MSH6: variants seen among roughly 807,000 people sequenced by gnomAD.
The protein encoded by MSH6 is mutS homolog 6.
A neutral mutation model predicts 119.1 loss-of-function variants in MSH6; 85 were observed. The observed-to-expected ratio is 0.71, with a 90% CI of 0.60 to 0.85. The LOEUF (loss-of-function observed/expected upper bound fraction) is 0.85. MSH6 is among the 40% of genes least tolerant of loss of function. The pLI is 0.00. For synonymous variants in MSH6, 830 were observed against 586.9 expected, an observed-to-expected ratio of 1.41 and a Z score of -5.99; for missense variants, 2,163 against 1,655.3, an observed-to-expected ratio of 1.31 and a Z score of -5.32.
intron 5 of MSH6, 42 bp downstream of exon 5, chr2:47,803,727 G>T: frequency 6.2e-7 from 1 of 1,611,502 alleles, no homozygotes; most frequent in South Asian, 1.1e-5. Flanking sequence ...AGTCATTTGT[G>T]ACATTAGGAA....
chr2:47,802,638 T>TTG lies in MSH6; in HGVS notation c.3173-781_3173-780insGT, dbSNP rs1669670463. Among the ~76,000 whole-genome samples the TTG allele has an allele frequency of 2.3e-5, 3 of 128,978 alleles. No individual in the cohort carries two copies. In the South Asian group the frequency reaches 6.5e-4, roughly 28 times the overall value. The allele number at this position is 128,978 out of a possible 152,430, so 84.6% of individuals were successfully genotyped here. On this transcript the variant is annotated intron_variant, in intron 4 of 9. Coordinates refer to ENST00000234420, the MANE Select transcript of MSH6 (RefSeq NM_000179.3). ...ATGAGCCACTGCGCCCAGCCCTGTT[T>TTG]TTTTTTTTTTTTTTTTTTTAAATAA... is the stretch of plus-strand genomic sequence containing the variant.
chr2:47,793,863 T>G (rs1668909638), intron 2 of MSH6, among the ~76,000 whole-genome samples: 2 of 151,644 alleles, frequency 1.3e-5, no homozygotes, highest in South Asian at 4.1e-4. Flanking sequence ...CCCAAGTAGC[T>G]GTGATTATAG....
intron 4 of MSH6, 101 bp from the exon 5 acceptor site, chr2:47,803,319 G>T: frequency 2.7e-6 from 4 of 1,465,648 alleles, no homozygotes; most frequent in Non-Finnish European, 3.8e-6. Flanking sequence ...TGAAAGTTAT[G>T]TCTTATAATG....
chr2:47,786,160 T>C (rs1478862924), intron 1 of MSH6, among the ~76,000 whole-genome samples: 2 of 152,056 alleles, frequency 1.3e-5, no homozygotes, highest in African/African-American at 4.8e-5. Context: ...CAGATTATAG[T>C]GAGAGTGGGA....
In MSH6 at chr2:47,795,462, AT is replaced by A. The variant is rs374584843; in HGVS notation, c.458-415del. Among the ~76,000 whole-genome samples, 391 of 117,056 alleles carry A rather than the reference AT, an allele frequency of 3.3e-3. 4 individuals are homozygous for A. Among genetic ancestry groups the A allele is most frequent in the African/African-American group, 6.6e-3 (218 of 33,094 alleles). The allele number at this position is 117,056 out of a possible 152,430, so 76.8% of individuals were successfully genotyped here. Reference sequence around the variant, plus strand: ...TGTGTGTGTGTGTATACATATATACATTTTTTTTTTTTTTTTTCATCGAGAC... The same window carrying A: ...TGTGTGTGTGTGTATACATATATACATTTTTTTTTTTTTTTTCATCGAGAC... On this transcript the variant is annotated intron_variant, in intron 2 of 9. Coordinates refer to ENST00000234420, the MANE Select transcript of MSH6 (RefSeq NM_000179.3).
rs1057520324 is a variant in MSH6, at chr2:47,799,972, T to G, written c.1989T>G (p.Thr663=). 6.2e-7 allele frequency: 1 copy of G among 1,614,114 alleles called. No homozygotes were observed. Among genetic ancestry groups the G allele is most frequent in the Non-Finnish European group, 8.5e-7 (1 of 1,180,014 alleles). Residue 663 remains threonine (T), a synonymous_variant, in exon 4 of 10, where the codon ACT becomes ACG. Transcript: ENST00000234420. ...VMLPQVLKGM[T]SESDSIGLTP... ...TACCCCAGGTGCTTAAAGGTATGAC[T>G]TCAGAGTCTGATTCCATTGGGTTGA...
chr2:47,788,908 T>TTTTTTTTG (rs1668534808), intron 1 of MSH6, among the ~76,000 whole-genome samples: 2 of 37,596 alleles, frequency 5.3e-5, no homozygotes, highest in South Asian at 8.6e-4. Flanking sequence ...TTCTTCTTCC[T>TTTTTTTTG]TTTTTTTTTT....
rs950036621 is a variant in MSH6, at chr2:47,798,632, G to T, written c.649G>T (p.Asp217Tyr). The change falls in exon 4 of 10, where the codon GAT becomes TAT. Residue 217 changes from aspartate (D) to tyrosine (Y), a missense_variant. Transcript: ENST00000234420. Reference protein sequence around the residue: ...EMEVGTTYVTDKSEEDNEIES... With the variant: ...EMEVGTTYVTYKSEEDNEIES... ...GCAGGTAGGCACAACTTACGTAACA[G>T]ATAAGAGTGAAGAAGATAATGAAAT... The T allele has an allele frequency of 3.7e-6, 6 of 1,611,590 alleles. No homozygotes were observed. The Admixed American group carries it at 8.3e-5, about 22-fold the overall frequency.
At chr2:47,805,588 G>A (rs777186501) in intron 6 of MSH6, 30 bp from the exon 7 acceptor site, 2 of 1,401,032 alleles carry the variant, frequency 1.4e-6, no homozygotes, top group East Asian at 2.3e-5. Flanking sequence ...TGCAAAATGA[G>A]TATTCATTTG....
intron 2 of MSH6, 149 bp downstream of exon 2, chr2:47,791,272 C>G: frequency 1.4e-6 from 1 of 726,066 alleles, no homozygotes; most frequent in South Asian, 1.7e-5. Context: ...GTGAAAGCTT[C>G]TGGCATGGGA....
chr2:47,799,821 TGTC>T lies in MSH6; in HGVS notation c.1839_1841del (p.Leu613_Ser614delinsPhe), dbSNP rs1319721343. The T allele has an allele frequency of 6.2e-7, 1 of 1,614,232 alleles. No homozygotes were observed. The highest frequency in any genetic ancestry group is 8.5e-7 in the Non-Finnish European group (1 of 1,180,046). On this transcript the variant is annotated inframe_deletion, in exon 4 of 10. Transcript: ENST00000234420. Reference sequence around the variant, plus strand: ...ACTAAAACAATTCTAAAGAGTTCATTGTCCTGTTCTCTTCAGGAAGGTCTGATA... The same window carrying T: ...ACTAAAACAATTCTAAAGAGTTCATTCTGTTCTCTTCAGGAAGGTCTGATA...
At chr2:47,788,928 T>TTTTTTTGTTTTGTTTTGTTTTG in intron 1 of MSH6, among the ~76,000 whole-genome samples, 1 of 84,230 alleles carries the variant, frequency 1.2e-5, no homozygotes, top group African/African-American at 5.7e-5. Context: ...TTTTGTTTTT[T>TTTTTTTGTTTTGTTTTGTTTTG]TTTTTTTTTT....
At position 47,806,789 on chromosome 2, in the gene MSH6, C is replaced by T. The variant is rs1060504743; in HGVS notation, c.4012C>T (p.Leu1338=). Residue 1338 remains leucine (L), a synonymous_variant, in exon 10 of 10, where the codon CTG becomes TTG. Coordinates refer to ENST00000234420, the MANE Select transcript of MSH6 (RefSeq NM_000179.3). ...TTTTTTAATTTTAAGGGAAGTTTGC[C>T]TGGCTAGTGAAAGGTCAACTGTAGA... ...QSLRLFREVC[L]ASERSTVDAE... 9 of 1,595,106 alleles carry T rather than the reference C, an allele frequency of 5.6e-6. No individual in the cohort carries two copies. The highest frequency in any genetic ancestry group is 7.7e-6 in the Non-Finnish European group (9 of 1,171,730).
chr2:47,803,465 C>G lies in MSH6; in HGVS notation c.3218C>G (p.Pro1073Arg), dbSNP rs587779257. The stretch of plus-strand genomic sequence containing the variant: ...AACTATAGTCGAGGGGGTGATGGTC[C>G]TATGTGTCGCCCAGTAATTCTGTTG... Reference protein sequence around the residue: ...LANYSRGGDGPMCRPVILLPE... With the variant: ...LANYSRGGDGRMCRPVILLPE... The change falls in exon 5 of 10, where the codon CCT (proline) becomes CGT (arginine). Residue 1073 changes from proline (P) to arginine (R), a missense_variant. Physicochemically the swap from Pro to Arg is moderately radical, Grantham distance 103. Coordinates refer to ENST00000234420, the MANE Select transcript of MSH6 (RefSeq NM_000179.3). The G allele has an allele frequency of 1.2e-6, 2 of 1,614,144 alleles. No individual in the cohort carries two copies. Among genetic ancestry groups the G allele is most frequent in the East Asian group, 2.2e-5 (1 of 44,872 alleles).
rs55684722 is a variant in MSH6 at position 47,805,059 on chromosome 2, TTCAG to T, written c.3556+36_3556+39del. The T allele has an allele frequency of 1.1e-4, 151 of 1,388,444 alleles. No homozygotes were observed. The African/African-American group carries it at 1.9e-3, about 18-fold the overall frequency. The allele number at this position is 1,388,444 out of a possible 1,614,324, so 86.0% of individuals were successfully genotyped here. ...TTTTTGTTTCCCACTTAAGTTCTCA[TTCAG>T]TCATTTAGATGTGATAAAAGATATT... On this transcript the variant is annotated intron_variant, in intron 6 of 9. Coordinates refer to ENST00000234420, the MANE Select transcript of MSH6 (RefSeq NM_000179.3).
rs188253518 is a variant in MSH6 at position 47,804,047 on chromosome 2, G to C, written c.3438+362G>C. On this transcript the variant is annotated intron_variant, in intron 5 of 9. Coordinates refer to ENST00000234420, the MANE Select transcript of MSH6 (RefSeq NM_000179.3). ...TATCCTTAAATTAGACTCATTTGCA[G>C]AAATGCAAATGAGGTAAGAAAGCAA... 1.5e-3 allele frequency among the ~76,000 whole-genome samples: 236 copies of C among 152,264 alleles called. 1 individual carries two copies. The highest frequency in any genetic ancestry group is 5.4e-3 in the African/African-American group (223 of 41,564).
intron 2 of MSH6, among the ~76,000 whole-genome samples, chr2:47,794,335 A>G (rs926873686): frequency 1.3e-5 from 2 of 151,912 alleles, no homozygotes; most frequent in Non-Finnish European, 2.9e-5. Flanking sequence ...GCAATGGTGC[A>G]GTCTTGGCTC....
At chr2:47,786,329 T>TC (rs1221426269) in intron 1 of MSH6, among the ~76,000 whole-genome samples, 2 of 151,904 alleles carry the variant, frequency 1.3e-5, no homozygotes, top group African/African-American at 2.4e-5. Flanking sequence ...TTAAAACATG[T>TC]TGAGCGTATT....
At chr2:47,788,900 CTTCTTCCTTTTTTTTTTTTTTGTTTT>C (rs1350807480) in intron 1 of MSH6, among the ~76,000 whole-genome samples, 1,011 of 47,280 alleles carry the variant, frequency 0.021, 29 homozygotes, top group African/African-American at 0.067. Flanking sequence ...TTCTTTCTTT[CTTCTTCCTTTTTTTTTTTTTTGTTTT>C]TTTTTTTTTT....
Sources: gnomAD v4.1 joint callset for allele counts (sites outside exome capture counted in the v4.1 genomes callset) on GRCh38, gnomAD v4.1.1 for gene constraint, MANE v1.5 for transcripts, NCBI Gene and HGNC (gene_info 2026-07-23, HGNC 2026-07-21) for gene names.